FBXO34: variants seen among roughly 807,000 people sequenced by gnomAD.
FBXO34 encodes F-box only protein 34.
A neutral mutation model predicts 24.5 loss-of-function variants in FBXO34; 12 were observed. The observed-to-expected ratio is 0.49, with a 90% confidence interval of 0.31 to 0.79. The LOEUF (loss-of-function observed/expected upper bound fraction) is 0.79, where lower values mean the gene tolerates loss of function less well. FBXO34 is among the 30% of genes least tolerant of loss of function. The probability of loss-of-function intolerance (pLI) is 0.04; values close to 1 mark genes in which losing one functional copy is unlikely to be tolerated. For missense variants in FBXO34, 823 were observed against 857.7 expected, an observed-to-expected ratio of 0.96 and a Z score of 0.51; for synonymous variants, 320 against 311.9, an observed-to-expected ratio of 1.03 and a Z score of -0.27.
At chr14:55,433,344 A>C in the FBXO34 span, among the ~76,000 whole-genome samples, 1 of 130,552 alleles carries the variant, frequency 7.7e-6, no homozygotes, top group South Asian at 2.4e-4. Context: ...ACAGAGATGG[A>C]GTCTCACTGT....
At chr14:55,438,062 T>G in the FBXO34 span, among the ~76,000 whole-genome samples, 4 of 152,214 alleles carry the variant, frequency 2.6e-5, no homozygotes, top group African/African-American at 7.2e-5. Context: ...ATTAGCTTGA[T>G]AAATGCATTA....
the FBXO34 span, among the ~76,000 whole-genome samples, chr14:55,431,514 T>C: frequency 6.6e-6 from 1 of 152,230 alleles, no homozygotes; most frequent in Non-Finnish European, 1.5e-5. Context: ...ATTGAAACCC[T>C]ATTATTAATT....
At chr14:55,385,907 T>C in the FBXO34 span, 1 of 1,614,020 alleles carries the variant, frequency 6.2e-7, no homozygotes, top group Non-Finnish European at 8.5e-7. Flanking sequence ...AGAGGTGAGC[T>C]CTAATATATG....
chr14:55,337,565 A>G (rs1883826042), intron 1 of FBXO34, among the ~76,000 whole-genome samples: 2 of 152,252 alleles, frequency 1.3e-5, no homozygotes, highest in Admixed American at 1.3e-4. Context: ...GTTGATTTCA[A>G]TACATTAGAA....
At chr14:55,419,751 G>A in the FBXO34 span, among the ~76,000 whole-genome samples, 1 of 152,190 alleles carries the variant, frequency 6.6e-6, no homozygotes, top group African/African-American at 2.4e-5. Context: ...TGATACAATG[G>A]TTTCAAATTG....
At position 55,351,836 on chromosome 14, in the gene FBXO34, GT is replaced by G; in HGVS notation, c.1454del (p.Leu485CysfsTer13). The G allele has an allele frequency of 6.2e-7, 1 of 1,613,738 alleles. No individual in the cohort carries two copies. The highest frequency in any genetic ancestry group is 8.5e-7 in the Non-Finnish European group (1 of 1,179,816). The part of the protein sequence containing the change: ...SCEDPVPGML[F>X]FLPPGQHLSD... ...GTGAAGACCCAGTTCCAGGGATGTT[GT>G]TTTTTTTGCCACCTGGTCAGCACTT... On this transcript the variant is annotated frameshift_variant, in exon 2 of 2. Coordinates refer to ENST00000313833, the MANE Select transcript of FBXO34 (RefSeq NM_017943.4). LOFTEE classifies it high-confidence loss of function.
chr14:55,353,984 A>G (rs1884479750), downstream of FBXO34, among the ~76,000 whole-genome samples: 1 of 152,198 alleles, frequency 6.6e-6, no homozygotes, highest in Non-Finnish European at 1.5e-5. Flanking sequence ...TGGAAGATCT[A>G]AAAACTAGGC....
rs1884369406 is a variant in FBXO34 at position 55,351,452 on chromosome 14, A to T, written c.1062A>T (p.Arg354Ser). ...TATCTGTGGATTGTGGCCCTTCAAGAGCTGATCGTTGTTCTCCTAAGGAGG... is the reference window on the plus strand; with the variant it reads ...TATCTGTGGATTGTGGCCCTTCAAGTGCTGATCGTTGTTCTCCTAAGGAGG... The part of the protein sequence containing the change: ...GSVSVDCGPS[R>S]ADRCSPKEDQ... Residue 354 changes from arginine to serine, a missense_variant, in exon 2 of 2, where the codon AGA (arginine) becomes AGT (serine). Physicochemically the swap from Arg to Ser is moderately radical, Grantham distance 110. This residue lies in a region of FBXO34 where 693 missense variants were observed against 659.1 expected (regional missense o/e 1.05). Transcript: ENST00000313833. The T allele has an allele frequency of 6.2e-7, 1 of 1,614,140 alleles. No homozygotes were observed. Among genetic ancestry groups the T allele is most frequent in the Non-Finnish European group, 8.5e-7 (1 of 1,180,026 alleles).
At chr14:55,346,273 G>A (rs1369854752) in intron 1 of FBXO34, among the ~76,000 whole-genome samples, 6 of 152,162 alleles carry the variant, frequency 3.9e-5, no homozygotes, top group Non-Finnish European at 7.4e-5. Context: ...TGCTTGTATT[G>A]ATAGAGGTTA....
the FBXO34 span, chr14:55,395,042 C>T: frequency 2.0e-6 from 1 of 491,152 alleles, no homozygotes; most frequent in Non-Finnish European, 4.1e-6. Flanking sequence ...TTAGCCACTT[C>T]TGACTTTTCC....
At chr14:55,291,000 T>C (rs1234992230) in intron 1 of FBXO34, among the ~76,000 whole-genome samples, 1 of 151,892 alleles carries the variant, frequency 6.6e-6, no homozygotes, top group Non-Finnish European at 1.5e-5. Context: ...TTTTTTTGTA[T>C]TTTTAGTAGA....
chr14:55,310,941 C>T (rs1398136705), intron 1 of FBXO34, among the ~76,000 whole-genome samples: 4 of 145,252 alleles, frequency 2.8e-5, no homozygotes, highest in Non-Finnish European at 6.0e-5. Context: ...CCTATCACTG[C>T]AAGGAAAAAA....
At chr14:55,411,967 A>G in the FBXO34 span, 8 of 736,410 alleles carry the variant, frequency 1.1e-5, no homozygotes, top group South Asian at 1.1e-4. Context: ...TGTCCCGGGC[A>G]CTGTTGTTTT....
At chr14:55,329,601 T>G (rs543198446) in intron 1 of FBXO34, among the ~76,000 whole-genome samples, 2 of 152,306 alleles carry the variant, frequency 1.3e-5, no homozygotes, top group Non-Finnish European at 2.9e-5. Flanking sequence ...TCATCTGAGT[T>G]TGTTTCTGAG....
intron 1 of FBXO34, among the ~76,000 whole-genome samples, chr14:55,288,104 C>G (rs1174095647): frequency 2.0e-5 from 3 of 152,148 alleles, no homozygotes; most frequent in Non-Finnish European, 4.4e-5. Context: ...TAAATGATGT[C>G]TCCTTTGTGG....
rs533626777 is a variant in FBXO34, at chr14:55,281,255, T to TAAAA, written c.-11+9736_-11+9739dup. ...GATGACAGAGTGAGACCCGACTCCT[T>TAAAA]AAAAAAAAAAAAAAAAAAAAAGCAC... On this transcript the variant is annotated intron_variant, in intron 1 of 1. Coordinates refer to ENST00000313833, the MANE Select transcript of FBXO34 (RefSeq NM_017943.4). 5.1e-3 allele frequency among the ~76,000 whole-genome samples: 505 copies of TAAAA among 98,222 alleles called. 11 individuals carry two copies. Among genetic ancestry groups the TAAAA allele is most frequent in the East Asian group, 7.0e-3 (24 of 3,430 alleles). The allele number at this position is 98,222 out of a possible 152,430, so 64.4% of individuals were successfully genotyped here. A position where few individuals can be genotyped will look rare whatever the true frequency, so the allele number is the denominator to read the frequency against.
intron 1 of FBXO34, among the ~76,000 whole-genome samples, chr14:55,340,623 T>C (rs1228500345): frequency 2.0e-5 from 3 of 152,228 alleles, no homozygotes; most frequent in Non-Finnish European, 4.4e-5. Context: ...TACGTATAAC[T>C]GTGTTAATGG....
At chr14:55,283,970 G>GTGTGTGTC (rs1555334932) in intron 1 of FBXO34, among the ~76,000 whole-genome samples, 2 of 151,272 alleles carry the variant, frequency 1.3e-5, no homozygotes, top group African/African-American at 4.9e-5. Context: ...GTGTGTGTGT[G>GTGTGTGTC]TGTGTCTGTG....
chr14:55,371,803 C>CA (rs1884824594), downstream of FBXO34, among the ~76,000 whole-genome samples: 1 of 149,764 alleles, frequency 6.7e-6, no homozygotes, highest in Admixed American at 6.6e-5. Context: ...GACTCTGTCT[C>CA]AAAAAACAAA....
Sources: allele counts gnomAD v4.1 joint callset (sites outside exome capture counted in the v4.1 genomes callset), GRCh38; gene constraint gnomAD v4.1.1; regional missense constraint gnomAD v4.1.1; transcripts MANE v1.5; gene names NCBI Gene and HGNC (gene_info 2026-07-23, HGNC 2026-07-21).